The following SAP130 variants were observed in gnomAD, a reference collection of about 807,000 sequenced individuals.
SAP130 encodes histone deacetylase complex subunit SAP130.
Under a neutral mutation model 103.2 loss-of-function variants are expected in SAP130, and 16 were observed. The observed-to-expected ratio is 0.16, with a 90% confidence interval of 0.10 to 0.24. The LOEUF is 0.24. Ranked by LOEUF, SAP130 falls within the 10% of genes least tolerant of loss-of-function variation. The pLI, the probability that SAP130 is intolerant of heterozygous loss-of-function variation, is 1.00. For synonymous variants in SAP130, 477 were observed against 497.0 expected (o/e 0.96, Z 0.53); for missense variants, 990 against 1,359.7 (o/e 0.73, Z 4.28).
intron 15 of SAP130, among the ~76,000 whole-genome samples, chr2:127,976,818 G>C (rs1367978543): frequency 6.6e-6 from 1 of 152,322 alleles, no homozygotes; most frequent in East Asian, 1.9e-4. Flanking sequence ...GCTGAGGCAG[G>C]AGAATTACTT....
At chr2:128,015,351 C>T (rs567064990) in intron 4 of SAP130, among the ~76,000 whole-genome samples, 1 of 152,150 alleles carries the variant, frequency 6.6e-6, no homozygotes, top group Non-Finnish European at 1.5e-5. Context: ...GTGCTCCCTA[C>T]CAGTTCTTCA....
intron 4 of SAP130, 81 bp from the exon 5 acceptor site, chr2:128,014,995 T>C (rs1305879058): frequency 7.2e-6 from 8 of 1,114,424 alleles, no homozygotes; most frequent in Admixed American, 2.1e-5. Context: ...CCTCCAAATG[T>C]GGGTCAGGTT....
intron 15 of SAP130, among the ~76,000 whole-genome samples, chr2:127,961,769 A>T (rs756548787): frequency 2.0e-5 from 3 of 152,206 alleles, no homozygotes; most frequent in Non-Finnish European, 4.4e-5. Flanking sequence ...ACTTGCTGTC[A>T]GAGCCAGACT....
intron 15 of SAP130, among the ~76,000 whole-genome samples, chr2:127,965,697 T>C (rs1021159327): frequency 6.6e-6 from 1 of 150,384 alleles, no homozygotes; most frequent in African/African-American, 2.4e-5. Context: ...GGCTAAGGCA[T>C]GAGAATTGCT....
At chr2:127,995,140 G>T (rs1683083297) in intron 11 of SAP130, among the ~76,000 whole-genome samples, 1 of 152,206 alleles carries the variant, frequency 6.6e-6, no homozygotes, top group Non-Finnish European at 1.5e-5. Context: ...GAACTCAAAT[G>T]TTCTTAAAAT....
intron 14 of SAP130, among the ~76,000 whole-genome samples, chr2:127,980,128 C>T (rs1355182318): frequency 6.6e-6 from 1 of 152,070 alleles, no homozygotes; most frequent in Non-Finnish European, 1.5e-5. Flanking sequence ...ATCTGCCCGC[C>T]TTGGCCTCCC....
intron 15 of SAP130, among the ~76,000 whole-genome samples, chr2:127,977,174 G>A (rs1039211661): frequency 6.6e-6 from 1 of 151,890 alleles, no homozygotes; most frequent in African/African-American, 2.4e-5. Context: ...ATTACTTGTG[G>A]AATTAAGAAG....
At chr2:128,027,187 C>A in intron 1 of SAP130, 2 of 1,238,172 alleles carry the variant, frequency 1.6e-6, no homozygotes, top group Non-Finnish European at 2.0e-6. Flanking sequence ...ATGTGCTCGG[C>A]GGGCGCGGGG....
chr2:127,945,511 G>C lies in SAP130; in HGVS notation c.2846C>G (p.Ser949Cys). The change falls in exon 19 of 21, where the codon TCC (serine) becomes TGC (cysteine). Residue 949 changes from serine to cysteine, a missense_variant. Ser to Cys is a moderately radical substitution (Grantham distance 112). Coordinates refer to ENST00000643581, the MANE Select transcript of SAP130 (RefSeq NM_001330301.2). ...LQEIANQKGV[S>C]CRAQGWKVHL... The stretch of plus-strand genomic sequence containing the variant: ...GACTTTCCAGCCTTGAGCACGACAG[G>C]ATACTCCTTTCTGATTAGCTATTTC... 1 of 1,613,444 alleles carries C rather than the reference G, an allele frequency of 6.2e-7. No homozygotes were observed. The highest frequency in any genetic ancestry group is 1.1e-5 in the South Asian group (1 of 91,062).
chr2:128,015,042 A>T, intron 4 of SAP130, 128 bp from the exon 5 acceptor site: 2 of 664,450 alleles, frequency 3.0e-6, no homozygotes, highest in Middle Eastern at 5.4e-4. Flanking sequence ...AGAAAGGGCT[A>T]AGGACATTCA....
At chr2:127,945,342 C>T in intron 19 of SAP130, 114 bp downstream of exon 19, 1 of 654,034 alleles carries the variant, frequency 1.5e-6, no homozygotes, top group Non-Finnish European at 2.8e-6. Flanking sequence ...CTATCATAAC[C>T]CATGTTAGCT....
In SAP130 at chr2:128,017,868, T is replaced by C. The variant is rs1684882627; in HGVS notation, c.160A>G (p.Met54Val). 1.2e-6 allele frequency: 2 copies of C among 1,614,240 alleles called. No individual in the cohort carries two copies. The highest frequency in any genetic ancestry group is 1.7e-6 in the Non-Finnish European group (2 of 1,180,036). The part of the protein sequence containing the change: ...RDSEVSAREH[M>V]SSSSSLQSRE... ...GACTGGAGGGAGCTGCTGGAACTCA[T>C]GTGCTCCCTGGCACTGACTTCAGAA... is the stretch of plus-strand genomic sequence containing the variant. The change falls in exon 3 of 21, where the codon ATG becomes GTG. Residue 54 changes from methionine (M) to valine (V), a missense_variant. Met to Val is a conservative substitution (Grantham distance 21, BLOSUM62 1). Transcript: ENST00000643581.
intron 7 of SAP130, among the ~76,000 whole-genome samples, chr2:128,001,281 A>T (rs6430962): frequency 6.6e-6 from 1 of 152,170 alleles, no homozygotes; most frequent in South Asian, 2.1e-4. Flanking sequence ...AGCTCACACC[A>T]GTAATCCCAG....
At chr2:127,975,463 A>G (rs1357221260) in intron 15 of SAP130, among the ~76,000 whole-genome samples, 1 of 152,254 alleles carries the variant, frequency 6.6e-6, no homozygotes, top group East Asian at 1.9e-4. Context: ...ATAAAAAGGA[A>G]GGTAAAGTAG....
rs1284149435 is a variant in SAP130, at chr2:127,996,417, G to C, written c.1288C>G (p.Leu430Val). 7.5e-6 allele frequency: 12 copies of C among 1,610,714 alleles called. No homozygotes were observed. The highest frequency in any genetic ancestry group is 1.0e-5 in the Non-Finnish European group (12 of 1,178,596). The change falls in exon 11 of 21, where the codon CTG becomes GTG. Residue 430 changes from leucine to valine, a missense_variant. By Grantham distance (32) the Leu-to-Val change is conservative (BLOSUM62 1). Around this residue, in one of 6 missense-constraint regions of SAP130, gnomAD observed 336 missense variants for 520.1 expected, o/e 0.65. Transcript: ENST00000643581. The surrounding 1 kb of genome is among the most constrained non-coding windows in gnomAD (Gnocchi z 4.3). ...QPDYPAERSS[L>V]IPISGHRASP... is the part of the protein sequence containing the mutation. ...GCCCGATGTCCGGAGATGGGAATCA[G>C]GCTACTCCTCTCGGCAGGGTAGTCT... is the stretch of plus-strand genomic sequence containing the variant.
rs1006175807 is a variant in SAP130 at position 128,027,458 on chromosome 2, A to G, written c.-7+482T>C. The G allele has an allele frequency of 2.8e-6, 3 of 1,078,338 alleles. No individual in the cohort carries two copies. In the African/African-American group the frequency reaches 5.0e-5, roughly 18 times the overall value. 66.8% of individuals were successfully genotyped at this position (1,078,338 alleles called of 1,614,324 possible). On this transcript the variant is annotated intron_variant, in intron 1 of 20. Transcript: ENST00000643581. Reference sequence around the variant, plus strand: ...GCGCGAGCCTGGCCGGGGCAGCCCAAACCCCTCGAGGCTGAGCCAATGGCA... The same window carrying G: ...GCGCGAGCCTGGCCGGGGCAGCCCAGACCCCTCGAGGCTGAGCCAATGGCA...
chr2:127,947,754 T>TTGTGTCTGTGTGTGTGAG (rs1559028548), intron 18 of SAP130, among the ~76,000 whole-genome samples: 10 of 28,676 alleles, frequency 3.5e-4, no homozygotes, highest in Middle Eastern at 0.029. Flanking sequence ...TAATTTTGTA[T>TTGTGTCTGTGTGTGTGAG]TGTGTGTGTC....
chr2:128,026,271 G>A lies in SAP130; in HGVS notation c.22C>T (p.Arg8Trp), dbSNP rs201261253. 3 of 1,613,950 alleles carry A rather than the reference G, an allele frequency of 1.9e-6. No homozygotes were observed. Among genetic ancestry groups the A allele is most frequent in the Non-Finnish European group, 2.5e-6 (3 of 1,179,876 alleles). MSSQQFP[R>W]LGAPSTGLSQ... ...AGCCCGGTAGAAGGGGCTCCTAACC[G>A]AGGAAACTGTTGAGAACTCATTTCC... is the stretch of plus-strand genomic sequence containing the variant. The change falls in exon 2 of 21, where the codon CGG (arginine) becomes TGG (tryptophan). Residue 8 changes from arginine (R) to tryptophan (W), a missense_variant. Physicochemically the swap from Arg to Trp is moderately radical, Grantham distance 101. Around this residue, in one of 6 missense-constraint regions of SAP130, gnomAD observed 167 missense variants for 187.4 expected, o/e 0.89. Transcript: ENST00000643581.
At position 127,942,200 on chromosome 2, in the gene SAP130, C is replaced by A; in HGVS notation, c.3016-36G>T. Reference sequence around the variant, plus strand: ...AGACATTGCATCATCAATCAGTGACCATGAGGATAGTACAGCTTTTAAAAA... The same window carrying A: ...AGACATTGCATCATCAATCAGTGACAATGAGGATAGTACAGCTTTTAAAAA... On this transcript the variant is annotated intron_variant, in intron 20 of 20. Transcript: ENST00000643581. The surrounding 1 kb of genome is among the most constrained non-coding windows in gnomAD (Gnocchi z 4.8). 1.3e-6 allele frequency: 2 copies of A among 1,558,344 alleles called. No homozygotes were observed. The highest frequency in any genetic ancestry group is 1.2e-5 in the South Asian group (1 of 82,618).
Sources: gnomAD v4.1 joint callset for allele counts (sites outside exome capture counted in the v4.1 genomes callset) on GRCh38, gnomAD v4.1.1 for gene constraint, gnomAD v4.1.1 regional missense constraint, Gnocchi (gnomAD v3.1) non-coding constraint, MANE v1.5 for transcripts, NCBI Gene and HGNC (gene_info 2026-07-23, HGNC 2026-07-21) for gene names.